MEX3A: variants seen among roughly 807,000 people sequenced by gnomAD.
MEX3A encodes the protein RNA-binding protein MEX3A.
A neutral mutation model predicts 30.0 loss-of-function variants in MEX3A; 4 were observed. The observed-to-expected ratio is 0.13, with a 90% CI of 0.07 to 0.30. The LOEUF (loss-of-function observed/expected upper bound fraction) is 0.30. Among genes scored for constraint, MEX3A ranks in the 10% least tolerant of loss-of-function variants. The probability of loss-of-function intolerance (pLI) is 1.00; values close to 1 mark genes in which losing one functional copy is unlikely to be tolerated. For synonymous variants in MEX3A, 335 were observed against 327.6 expected (o/e 1.02, Z -0.24); for missense variants, 555 against 736.7 (o/e 0.75, Z 2.86).
chr1:156,076,409 A>G lies in MEX3A; in HGVS notation c.*165T>C, dbSNP rs1648064646. 3.0e-6 allele frequency: 2 copies of G among 677,428 alleles called. No individual in the cohort carries two copies. Among genetic ancestry groups the G allele is most frequent in the Admixed American group, 6.6e-5 (2 of 30,246 alleles). The allele number at this position is 677,428 out of a possible 1,614,324, so 42.0% of individuals were successfully genotyped here. A position where few individuals can be genotyped will look rare whatever the true frequency, so the allele number is the denominator to read the frequency against. ...GGACAGGGTGACCAGAGGCTCTGAA[A>G]GTGGCGCACCCTCCAGCCACCACTG... is the stretch of plus-strand genomic sequence containing the variant. On this transcript the variant is annotated 3_prime_UTR_variant, in exon 2 of 2. Transcript: ENST00000532414. This position sits in a 1 kb window ranked among gnomAD's most constrained non-coding sequence, Gnocchi z 6.0.
At position 156,081,573 on chromosome 1, in the gene MEX3A, C is replaced by T; in HGVS notation, c.426G>A (p.Glu142=). 6.2e-7 allele frequency: 1 copy of T among 1,600,410 alleles called. No homozygotes were observed. The highest frequency in any genetic ancestry group is 1.1e-5 in the South Asian group (1 of 88,932). The change falls in exon 1 of 2, where the codon GAG becomes GAA. Residue 142 remains glutamate, a synonymous_variant. Coordinates refer to ENST00000532414, the MANE Select transcript of MEX3A (RefSeq NM_001093725.2). ...GCCTGCCCACGATCTCGGCCACGTG[C>T]TCGGAGGTGGGCACGGGAACACACT... ...TTECVPVPTS[E]HVAEIVGRQG... is the part of the protein sequence containing the mutation.
At chr1:156,080,455 C>A (rs1462815588) in intron 1 of MEX3A, among the ~76,000 whole-genome samples, 1 of 152,094 alleles carries the variant, frequency 6.6e-6, no homozygotes, top group South Asian at 2.1e-4. Flanking sequence ...CACTCCCAGC[C>A]GGAATGCAGC....
At chr1:156,079,360 C>T (rs1447348230) in intron 1 of MEX3A, among the ~76,000 whole-genome samples, 3 of 152,008 alleles carry the variant, frequency 2.0e-5, no homozygotes, top group Admixed American at 2.0e-4. Flanking sequence ...ATCACAGGCA[C>T]CTGCCACCAC....
chr1:156,081,310 G>A (rs1352833765), intron 1 of MEX3A, among the ~76,000 whole-genome samples: 1 of 152,218 alleles, frequency 6.6e-6, no homozygotes, highest in Non-Finnish European at 1.5e-5. Context: ...CCAGTGCGAG[G>A]ATATTTCTTT....
At chr1:156,081,361 C>T (rs528470834) in intron 1 of MEX3A, among the ~76,000 whole-genome samples, 184 bp downstream of exon 1, 171 of 152,342 alleles carry the variant, frequency 1.1e-3, no homozygotes, top group Non-Finnish European at 1.9e-3. Flanking sequence ...ATCTGGAGAA[C>T]CGTCCCGACT....
chr1:156,077,485 G>C lies in MEX3A; in HGVS notation c.652C>G (p.Pro218Ala). Residue 218 changes from proline to alanine, a missense_variant, in exon 2 of 2, where the codon CCT becomes GCT. By Grantham distance (27) the Pro-to-Ala change is conservative (BLOSUM62 -1). Around this residue, in one of 6 missense-constraint regions of MEX3A, gnomAD observed 35 missense variants for 44.1 expected, o/e 0.79. Transcript: ENST00000532414. The surrounding 1 kb of genome is among the most constrained non-coding windows in gnomAD (Gnocchi z 8.3). ...NKSGAAFGVA[P>A]ALPGQVTIRV... ...ATGGTCACCTGGCCGGGCAGAGCAGGAGCCACACCAAAGGCGGCGCCTGAC... is the reference window on the plus strand; with the variant it reads ...ATGGTCACCTGGCCGGGCAGAGCAGCAGCCACACCAAAGGCGGCGCCTGAC... The C allele has an allele frequency of 6.2e-7, 1 of 1,613,388 alleles. No homozygotes were observed. The highest frequency in any genetic ancestry group is 8.5e-7 in the Non-Finnish European group (1 of 1,179,648).
intron 1 of MEX3A, among the ~76,000 whole-genome samples, chr1:156,078,959 C>T (rs1461476947): frequency 6.6e-6 from 1 of 152,148 alleles, no homozygotes; most frequent in Admixed American, 6.5e-5. Context: ...TATACACACC[C>T]GCACCCATGA....
Position 156,073,663 on chromosome 1 carries a change from A to T in MEX3A, c.*2911T>A, listed in dbSNP as rs1009310944. On this transcript the variant is annotated 3_prime_UTR_variant, in exon 2 of 2. Coordinates refer to ENST00000532414, the MANE Select transcript of MEX3A (RefSeq NM_001093725.2). ...ATAAATTTGAATTATTATTATTAAT[A>T]ATTATTATTTTGTAGTATTCTTTTC... The T allele has an allele frequency of 2.0e-5, 3 of 151,840 alleles. No homozygotes were observed. The highest frequency in any genetic ancestry group is 4.4e-5 in the Non-Finnish European group (3 of 67,974). The allele number at this position is 151,840 out of a possible 1,614,324, so 9.4% of individuals were successfully genotyped here. A position where few individuals can be genotyped will look rare whatever the true frequency, so the allele number is the denominator to read the frequency against.
rs1277465509 is a variant in MEX3A, at chr1:156,072,274, C to T, written c.*4300G>A. 1.3e-5 allele frequency: 2 copies of T among 152,668 alleles called. No individual in the cohort carries two copies. Among genetic ancestry groups the T allele is most frequent in the Non-Finnish European group, 2.9e-5 (2 of 68,018 alleles). 9.5% of individuals were successfully genotyped at this position (152,668 alleles called of 1,614,324 possible). On this transcript the variant is annotated 3_prime_UTR_variant, in exon 2 of 2. Coordinates refer to ENST00000532414, the MANE Select transcript of MEX3A (RefSeq NM_001093725.2). The stretch of plus-strand genomic sequence containing the variant: ...CAGTGGAGAGACCATCCTCCCTGCC[C>T]CAGGGCTGTCTCCACCCACCCCCCC...
At chr1:156,081,002 C>G (rs375845478) in intron 1 of MEX3A, among the ~76,000 whole-genome samples, 280 of 152,276 alleles carry the variant, frequency 1.8e-3, no homozygotes, top group South Asian at 0.013. Context: ...CCCCCCTCAC[C>G]GCCTCTTCCC....
At position 156,077,211 on chromosome 1, in the gene MEX3A, G is replaced by A. The variant is rs1291642756; in HGVS notation, c.926C>T (p.Pro309Leu). 1.2e-6 allele frequency: 2 copies of A among 1,613,500 alleles called. No individual in the cohort carries two copies. Among genetic ancestry groups the A allele is most frequent in the Admixed American group, 3.3e-5 (2 of 60,016 alleles). ...NNENDFLAGSPDAAIDSRYSD... is the reference protein window; with the variant it reads ...NNENDFLAGSLDAAIDSRYSD... ...GTAGCGGCTATCGATTGCTGCGTCG[G>A]GGCTCCCCGCCAGGAAGTCGTTTTC... The change falls in exon 2 of 2, where the codon CCC becomes CTC. Residue 309 changes from proline to leucine, a missense_variant. By Grantham distance (98) the Pro-to-Leu change is moderately conservative. Transcript: ENST00000532414. This position sits in a 1 kb window ranked among gnomAD's most constrained non-coding sequence, Gnocchi z 8.3.
chr1:156,075,336 G>C lies in MEX3A; in HGVS notation c.*1238C>G, dbSNP rs1326385414. 6.6e-6 allele frequency: 1 copy of C among 152,304 alleles called. No individual in the cohort carries two copies. The allele number at this position is 152,304 out of a possible 1,614,324, so 9.4% of individuals were successfully genotyped here. On this transcript the variant is annotated 3_prime_UTR_variant, in exon 2 of 2. Coordinates refer to ENST00000532414, the MANE Select transcript of MEX3A (RefSeq NM_001093725.2). ...CAGGGAGTCGGGCACTGCATGGGAG[G>C]AGCAGCTCTTCCCTCCACCAGTCTC...
At position 156,072,705 on chromosome 1, in the gene MEX3A, C is replaced by T. The variant is rs1647947794; in HGVS notation, c.*3869G>A. The stretch of plus-strand genomic sequence containing the variant: ...GCCAGGGTACAGTAGATGACCCCTA[C>T]CTGAACACATATAGATGGAGGTGAA... On this transcript the variant is annotated 3_prime_UTR_variant, in exon 2 of 2. Transcript: ENST00000532414. 1.3e-5 allele frequency: 2 copies of T among 152,756 alleles called. No homozygotes were observed. The highest frequency in any genetic ancestry group is 2.1e-4 in the South Asian group (1 of 4,834). 9.5% of individuals were successfully genotyped at this position (152,756 alleles called of 1,614,324 possible).
At chr1:156,081,441 G>A (rs2102779290) in intron 1 of MEX3A, 104 bp downstream of exon 1, 1 of 1,007,556 alleles carries the variant, frequency 9.9e-7, no homozygotes, top group East Asian at 2.9e-5. Flanking sequence ...GTGGGGAAGG[G>A]ACAGAGCCGG....
chr1:156,078,869 A>G (rs1648143763), intron 1 of MEX3A, among the ~76,000 whole-genome samples: 1 of 152,110 alleles, frequency 6.6e-6, no homozygotes, highest in Non-Finnish European at 1.5e-5. Context: ...TTTCACACAC[A>G]CATCAAGTCC....
intron 1 of MEX3A, among the ~76,000 whole-genome samples, chr1:156,078,858 C>G (rs1572299759): frequency 6.6e-6 from 1 of 152,160 alleles, no homozygotes; most frequent in Non-Finnish European, 1.5e-5. Context: ...TTATACACCT[C>G]TTTCACACAC....
rs1344401438 is a variant in MEX3A, at chr1:156,073,332, G to A, written c.*3242C>T. On this transcript the variant is annotated 3_prime_UTR_variant, in exon 2 of 2. Coordinates refer to ENST00000532414, the MANE Select transcript of MEX3A (RefSeq NM_001093725.2). ...GATGATCAGTGTGCATCCTTTCCAAGACCCTGGGAAATGAACCCCTCATTT... is the reference window on the plus strand; with the variant it reads ...GATGATCAGTGTGCATCCTTTCCAAAACCCTGGGAAATGAACCCCTCATTT... 1 of 152,678 alleles carries A rather than the reference G, an allele frequency of 6.5e-6. No homozygotes were observed. Among genetic ancestry groups the A allele is most frequent in the Non-Finnish European group, 1.5e-5 (1 of 68,012 alleles). 9.5% of individuals were successfully genotyped at this position (152,678 alleles called of 1,614,324 possible).
chr1:156,079,225 T>C (rs1435890982), intron 1 of MEX3A, among the ~76,000 whole-genome samples: 4 of 151,676 alleles, frequency 2.6e-5, no homozygotes, highest in Non-Finnish European at 5.9e-5. Context: ...TTTGTTTGTT[T>C]TTTTTTGAGA....
chr1:156,082,080 G>T lies in MEX3A; in HGVS notation c.-82C>A. 3 of 497,786 alleles carry T rather than the reference G, an allele frequency of 6.0e-6. No homozygotes were observed. Among genetic ancestry groups the T allele is most frequent in the Non-Finnish European group, 9.8e-6 (3 of 307,074 alleles). 30.8% of individuals were successfully genotyped at this position (497,786 alleles called of 1,614,324 possible). A position where few individuals can be genotyped will look rare whatever the true frequency, so the allele number is the denominator to read the frequency against. ...AGGGAAAAGAGGAGAGAGGAGGGGA[G>T]GGGAGAGGAGAGGAGGGGGTGTGTG... On this transcript the variant is annotated 5_prime_UTR_variant, in exon 1 of 2. Transcript: ENST00000532414.
Sources: gnomAD v4.1 joint callset for allele counts (sites outside exome capture counted in the v4.1 genomes callset) on GRCh38, gnomAD v4.1.1 for gene constraint, gnomAD v4.1.1 regional missense constraint, Gnocchi (gnomAD v3.1) non-coding constraint, MANE v1.5 for transcripts, NCBI Gene and HGNC (gene_info 2026-07-23, HGNC 2026-07-21) for gene names.